TRPC3: variants seen among roughly 807,000 people sequenced by gnomAD.
The protein encoded by TRPC3 is transient receptor potential cation channel subfamily C member 3, also known as short transient receptor potential channel 3.
Under a neutral mutation model 90.9 loss-of-function variants are expected in TRPC3, and 54 were observed. The observed-to-expected ratio is 0.59, with a 90% CI of 0.48 to 0.75. The LOEUF is 0.75. TRPC3 is among the 30% of genes least tolerant of loss of function. TRPC3 has a pLI of 0.00. For synonymous variants in TRPC3, 424 were observed against 450.9 expected, an observed-to-expected ratio of 0.94 and a Z score of 0.75; for missense variants, 918 against 1,194.5, an observed-to-expected ratio of 0.77 and a Z score of 3.41.
intron 3 of TRPC3, among the ~76,000 whole-genome samples, chr4:121,924,529 C>A (rs1729633647): frequency 1.3e-5 from 2 of 152,238 alleles, no homozygotes; most frequent in Middle Eastern, 3.4e-3. Context: ...TTATCAATAG[C>A]ATCTATTTTT....
At chr4:121,913,965 C>T (rs922174251) in intron 4 of TRPC3, among the ~76,000 whole-genome samples, 2 of 152,176 alleles carry the variant, frequency 1.3e-5, no homozygotes, top group Non-Finnish European at 2.9e-5. Flanking sequence ...TTGAAACTAC[C>T]TCTGACTTAA....
At position 121,951,053 on chromosome 4, in the gene TRPC3, T is replaced by A. The variant is rs1730713530; in HGVS notation, c.215+413A>T. On this transcript the variant is annotated intron_variant, in intron 1 of 11. Coordinates refer to ENST00000379645, the MANE Select transcript of TRPC3 (RefSeq NM_001130698.2). The surrounding 1 kb of genome is among the most constrained non-coding windows in gnomAD (Gnocchi z 4.4). Reference sequence around the variant, plus strand: ...GCCTGGGTCTGTGCACATCTTCCCCTTCCTCGGCCTCCCTGGGTAAGCTCG... The same window carrying A: ...GCCTGGGTCTGTGCACATCTTCCCCATCCTCGGCCTCCCTGGGTAAGCTCG... Among the ~76,000 whole-genome samples the A allele has an allele frequency of 6.6e-6, 1 of 152,092 alleles. No homozygotes were observed. The highest frequency in any genetic ancestry group is 1.5e-5 in the Non-Finnish European group (1 of 68,002).
chr4:121,939,268 A>G lies in TRPC3; in HGVS notation c.216-6226T>C, dbSNP rs1023782353. 2.6e-5 allele frequency among the ~76,000 whole-genome samples: 4 copies of G among 152,170 alleles called. No individual in the cohort carries two copies. In the East Asian group the frequency reaches 7.7e-4, roughly 29 times the overall value. Reference sequence around the variant, plus strand: ...ATCATGGAGAAGTTCAGATTCTTACAAGCAAAAAATTATGGGATTTTTGTA... The same window carrying G: ...ATCATGGAGAAGTTCAGATTCTTACGAGCAAAAAATTATGGGATTTTTGTA... On this transcript the variant is annotated intron_variant, in intron 1 of 11. Coordinates refer to ENST00000379645, the MANE Select transcript of TRPC3 (RefSeq NM_001130698.2).
At chr4:121,884,776 T>A (rs892204517) in intron 10 of TRPC3, among the ~76,000 whole-genome samples, 2 of 152,212 alleles carry the variant, frequency 1.3e-5, no homozygotes, top group Admixed American at 1.3e-4. Flanking sequence ...CACAGCTGGA[T>A]GGATCTTAAA....
rs1478249352 is a variant in TRPC3 at position 121,951,425 on chromosome 4, C to G, written c.215+41G>C. The stretch of plus-strand genomic sequence containing the variant: ...CGCCTTCCCGCCCCCCGCCCGGCAC[C>G]GCCCTCCGAGGCGCGGGCCGCGGCC... On this transcript the variant is annotated intron_variant, in intron 1 of 11. Transcript: ENST00000379645. This position sits in a 1 kb window ranked among gnomAD's most constrained non-coding sequence, Gnocchi z 4.4. 1 of 1,168,608 alleles carries G rather than the reference C, an allele frequency of 8.6e-7. No homozygotes were observed. Among genetic ancestry groups the G allele is most frequent in the African/African-American group, 1.6e-5 (1 of 61,916 alleles). The allele number at this position is 1,168,608 out of a possible 1,614,324, so 72.4% of individuals were successfully genotyped here.
rs911390534 is a variant in TRPC3 at position 121,910,230 on chromosome 4, C to T, written c.1716G>A (p.Gln572=). ...LAFLQATKAQ[Q]YVDSYVQESD... is the part of the protein sequence containing the mutation. Reference sequence around the variant, plus strand: ...TCTCTTGGACGTAACTGTCCACATACTGTTGTGCCTTCGTTGCCTGAAGGA... The same window carrying T: ...TCTCTTGGACGTAACTGTCCACATATTGTTGTGCCTTCGTTGCCTGAAGGA... Residue 572 remains glutamine (Q), a synonymous_variant, in exon 6 of 12, where the codon CAG becomes CAA. Coordinates refer to ENST00000379645, the MANE Select transcript of TRPC3 (RefSeq NM_001130698.2). 4 of 1,613,850 alleles carry T rather than the reference C, an allele frequency of 2.5e-6. No homozygotes were observed. The highest frequency in any genetic ancestry group is 3.4e-6 in the Non-Finnish European group (4 of 1,179,810).
At chr4:121,901,586 G>A (rs545629373) in intron 9 of TRPC3, among the ~76,000 whole-genome samples, 2 of 152,210 alleles carry the variant, frequency 1.3e-5, no homozygotes, top group African/African-American at 2.4e-5. Context: ...CAAATGTACA[G>A]GAAAGCACTT....
At chr4:121,891,391 C>CA in intron 10 of TRPC3, among the ~76,000 whole-genome samples, 1 of 151,862 alleles carries the variant, frequency 6.6e-6, no homozygotes, top group East Asian at 1.9e-4. Flanking sequence ...AAAATTATGG[C>CA]AAAAAAGACT....
intron 3 of TRPC3, among the ~76,000 whole-genome samples, chr4:121,916,293 TC>T (rs1279276925): frequency 2.0e-5 from 3 of 152,084 alleles, no homozygotes; most frequent in Non-Finnish European, 4.4e-5. Context: ...AGGTTCAATT[TC>T]CCCCAAATCC....
intron 9 of TRPC3, 64 bp downstream of exon 9, chr4:121,902,788 C>A: frequency 7.9e-7 from 1 of 1,258,666 alleles, no homozygotes; most frequent in South Asian, 1.5e-5. Context: ...GAACAAACAT[C>A]AGAAGACAAG....
intron 3 of TRPC3, among the ~76,000 whole-genome samples, chr4:121,919,782 G>C (rs527802661): frequency 6.6e-6 from 1 of 152,164 alleles, no homozygotes; most frequent in Non-Finnish European, 1.5e-5. Context: ...ATATTAATAG[G>C]AGAGCAGAAA....
chr4:121,929,930 G>A (rs895383465), intron 2 of TRPC3, among the ~76,000 whole-genome samples: 2 of 151,698 alleles, frequency 1.3e-5, no homozygotes, highest in African/African-American at 4.8e-5. Flanking sequence ...AGAATATAGC[G>A]AACACCATGG....
chr4:121,931,399 T>G (rs2149141343), intron 2 of TRPC3, among the ~76,000 whole-genome samples: 1 of 152,276 alleles, frequency 6.6e-6, no homozygotes, highest in South Asian at 2.1e-4. Context: ...TGATCGGAAC[T>G]ATGAAATACC....
intron 10 of TRPC3, 93 bp downstream of exon 10, chr4:121,899,519 A>G (rs1243319572): frequency 9.6e-7 from 1 of 1,043,302 alleles, no homozygotes; most frequent in African/African-American, 1.6e-5. Context: ...ATATCTCAAG[A>G]ATATAACTCA....
chr4:121,922,642 T>C (rs1007934086), intron 3 of TRPC3, among the ~76,000 whole-genome samples: 9 of 136,676 alleles, frequency 6.6e-5, no homozygotes, highest in African/African-American at 2.2e-4. Flanking sequence ...GTGTCTCTGC[T>C]CATATAACAC....
chr4:121,907,199 C>T (rs1184294700), intron 7 of TRPC3, 104 bp downstream of exon 7: 39 of 1,120,232 alleles, frequency 3.5e-5, no homozygotes, highest in Non-Finnish European at 4.9e-5. Context: ...ATTTTCTGTG[C>T]TTAAAAACAT....
At chr4:121,937,706 T>G (rs943756783) in intron 1 of TRPC3, among the ~76,000 whole-genome samples, 2 of 152,212 alleles carry the variant, frequency 1.3e-5, no homozygotes, top group African/African-American at 4.8e-5. Context: ...TCAAGAAGCC[T>G]CTCTCTTCAG....
rs756098755 is a variant in TRPC3, at chr4:121,877,160, A to G, written c.*2576T>C. The stretch of plus-strand genomic sequence containing the variant: ...AATTCTGACAGCAATCCCCTCGACT[A>G]ATCCTCATCTCAACCGTATGCTACC... On this transcript the variant is annotated 3_prime_UTR_variant, in exon 12 of 12. Coordinates refer to ENST00000379645, the MANE Select transcript of TRPC3 (RefSeq NM_001130698.2). Among the ~76,000 whole-genome samples the G allele has an allele frequency of 7.9e-5, 12 of 152,170 alleles. No individual in the cohort carries two copies. Among genetic ancestry groups the G allele is most frequent in the Non-Finnish European group, 1.3e-4 (9 of 68,022 alleles).
intron 10 of TRPC3, among the ~76,000 whole-genome samples, chr4:121,886,708 T>A (rs1174361103): frequency 6.6e-6 from 1 of 152,128 alleles, no homozygotes; most frequent in Non-Finnish European, 1.5e-5. Flanking sequence ...CATTTTTTTG[T>A]TTTTTGTTTT....
Sources: allele counts gnomAD v4.1 joint callset (sites outside exome capture counted in the v4.1 genomes callset), GRCh38; gene constraint gnomAD v4.1.1; non-coding constraint Gnocchi (gnomAD v3.1); transcripts MANE v1.5; gene names NCBI Gene and HGNC (gene_info 2026-07-23, HGNC 2026-07-21).